PLD5: variants seen among roughly 807,000 people sequenced by gnomAD.
PLD5 encodes the protein phospholipase D family member 5, also known as inactive phospholipase D5.
A neutral mutation model predicts 61.1 loss-of-function variants in PLD5; 36 were observed. The ratio of observed to expected loss-of-function variants is 0.59; its 90% CI spans 0.45 to 0.78. The LOEUF (loss-of-function observed/expected upper bound fraction) is 0.78, where lower values mean the gene tolerates loss of function less well. PLD5 is among the 30% of genes least tolerant of loss of function. The pLI is 0.00. For missense variants in PLD5, 515 were observed against 644.4 expected, an observed-to-expected ratio of 0.80 and a Z score of 2.17; for synonymous variants, 243 against 242.8, an observed-to-expected ratio of 1.00 and a Z score of -0.01.
intron 2 of PLD5, among the ~76,000 whole-genome samples, chr1:242,294,437 A>G (rs1409416732): frequency 6.6e-6 from 1 of 152,220 alleles, no homozygotes; most frequent in African/African-American, 2.4e-5. Context: ...TCCCTTTAAT[A>G]AGCTACTAAA....
intron 2 of PLD5, among the ~76,000 whole-genome samples, chr1:242,315,445 C>A (rs990807739): frequency 6.6e-6 from 1 of 152,054 alleles, no homozygotes; most frequent in East Asian, 1.9e-4. Context: ...TTATGCTAGA[C>A]GTTCGGGAAA....
chr1:242,112,283 C>CTGTGTGTGTGTGTG (rs748175841), intron 7 of PLD5, among the ~76,000 whole-genome samples: 16 of 119,756 alleles, frequency 1.3e-4, no homozygotes, highest in African/African-American at 3.5e-4. Context: ...AAAGGATGCA[C>CTGTGTGTGTGTGTG]TGTGTGTGTG....
At chr1:242,267,099 AGAGT>A (rs1673726529) in intron 3 of PLD5, among the ~76,000 whole-genome samples, 1 of 131,288 alleles carries the variant, frequency 7.6e-6, no homozygotes, top group African/African-American at 2.9e-5. Context: ...CCTGGGCGAC[AGAGT>A]GAGACTCCAT....
In PLD5 at chr1:242,139,483, T is replaced by C. The variant is rs79992710; in HGVS notation, c.736-14818A>G. On this transcript the variant is annotated intron_variant, in intron 5 of 9. Transcript: ENST00000536534. ...GTAGCTCTCGAACTGCTTCCTGTGC[T>C]TAGCTGCAGCTTGTTCAATGGGCAT... 5.1e-3 allele frequency among the ~76,000 whole-genome samples: 772 copies of C among 152,142 alleles called. 18 individuals are homozygous for C. The East Asian group carries it at 0.057, about 11-fold the overall frequency.
chr1:242,516,898 A>G (rs1432668864), intron 1 of PLD5, among the ~76,000 whole-genome samples: 1 of 152,234 alleles, frequency 6.6e-6, no homozygotes, highest in Non-Finnish European at 1.5e-5. Context: ...CTATAGGTCA[A>G]TTTAGGGGAG....
chr1:242,506,980 C>G (rs1668744639), intron 1 of PLD5, among the ~76,000 whole-genome samples: 1 of 152,182 alleles, frequency 6.6e-6, no homozygotes, highest in Non-Finnish European at 1.5e-5. Flanking sequence ...TCCTCAGTAG[C>G]AGCACGTGTC....
At position 242,205,997 on chromosome 1, in the gene PLD5, C is replaced by T. The variant is rs1038192665; in HGVS notation, c.735+13991G>A. On this transcript the variant is annotated intron_variant, in intron 5 of 9. Coordinates refer to ENST00000536534, the MANE Select transcript of PLD5 (RefSeq NM_001372062.1). ...ACCTGAAAGAAATGACTGGGCTTGGCGAGGCAGAGGGAGTGTGACTCTCAT... is the reference window on the plus strand; with the variant it reads ...ACCTGAAAGAAATGACTGGGCTTGGTGAGGCAGAGGGAGTGTGACTCTCAT... 7.2e-5 allele frequency among the ~76,000 whole-genome samples: 11 copies of T among 152,256 alleles called. 1 individual carries two copies. Among genetic ancestry groups the T allele is most frequent in the Admixed American group, 2.0e-4 (3 of 15,282 alleles).
intron 7 of PLD5, among the ~76,000 whole-genome samples, chr1:242,109,329 T>G (rs1011696839): frequency 2.6e-5 from 4 of 152,048 alleles, no homozygotes; most frequent in African/African-American, 9.7e-5. Flanking sequence ...AATACAAAAA[T>G]TAGCTGGACA....
Position 242,429,398 on chromosome 1 carries a change from T to TA in PLD5, c.190-81157dup, listed in dbSNP as rs1231828632. On this transcript the variant is annotated intron_variant, in intron 1 of 9. Transcript: ENST00000536534. ...TAATTAACAATAGAAATAATCTTTT[T>TA]AAAATTTTTTTTAATTTTTAATACT... Among the ~76,000 whole-genome samples the TA allele has an allele frequency of 3.3e-5, 5 of 152,352 alleles. No individual in the cohort carries two copies. In the East Asian group the frequency reaches 9.6e-4, roughly 29 times the overall value.
At chr1:242,399,209 T>G (rs1212864221) in intron 1 of PLD5, among the ~76,000 whole-genome samples, 1 of 152,212 alleles carries the variant, frequency 6.6e-6, no homozygotes, top group African/African-American at 2.4e-5. Context: ...CTACACATAG[T>G]AGGGGCTCAA....
At chr1:242,494,863 A>ATT (rs761097854) in intron 1 of PLD5, among the ~76,000 whole-genome samples, 1 of 109,334 alleles carries the variant, frequency 9.1e-6, no homozygotes, top group Non-Finnish European at 1.9e-5. Flanking sequence ...ACAACCCCCA[A>ATT]TTTTTTTTTC....
At chr1:242,236,538 A>G (rs1671650319) in intron 4 of PLD5, among the ~76,000 whole-genome samples, 1 of 150,150 alleles carries the variant, frequency 6.7e-6, no homozygotes, top group Non-Finnish European at 1.5e-5. Context: ...TTTGAAAAAA[A>G]TAATAAAAAC....
chr1:242,089,678 T>C lies in PLD5; in HGVS notation c.*176A>G. ...GTAACAAATACAAAAGTCTTAATTT[T>C]AGTGTACACGACGCTAAGATATTGT... On this transcript the variant is annotated 3_prime_UTR_variant, in exon 10 of 10. Transcript: ENST00000536534. The C allele has an allele frequency of 1.4e-6, 1 of 739,612 alleles. No homozygotes were observed. Among genetic ancestry groups the C allele is most frequent in the Non-Finnish European group, 2.1e-6 (1 of 470,132 alleles). 45.8% of individuals were successfully genotyped at this position (739,612 alleles called of 1,614,324 possible).
intron 1 of PLD5, chr1:242,377,021 G>A (rs200430655): frequency 2.7e-5 from 44 of 1,611,594 alleles, no homozygotes; most frequent in South Asian, 1.9e-4. Context: ...AAGTTTTTGC[G>A]CACACTTTGC....
chr1:242,355,134 T>C (rs919919866), intron 1 of PLD5, among the ~76,000 whole-genome samples: 3 of 152,198 alleles, frequency 2.0e-5, no homozygotes, highest in African/African-American at 7.2e-5. Context: ...ATGCTGACTT[T>C]GTAAAAAGAC....
intron 1 of PLD5, among the ~76,000 whole-genome samples, chr1:242,502,920 G>A (rs1412386516): frequency 1.3e-5 from 2 of 152,056 alleles, no homozygotes; most frequent in African/African-American, 2.4e-5. Context: ...AATTAGCCTG[G>A]CGTGGTGGCA....
At chr1:242,396,069 T>C (rs1663556198) in intron 1 of PLD5, among the ~76,000 whole-genome samples, 2 of 151,996 alleles carry the variant, frequency 1.3e-5, no homozygotes, top group South Asian at 4.2e-4. Flanking sequence ...GTATCAAATA[T>C]TGGCAGTTTC....
chr1:242,175,463 G>A (rs1667076483), intron 5 of PLD5, among the ~76,000 whole-genome samples: 1 of 152,080 alleles, frequency 6.6e-6, no homozygotes, highest in Non-Finnish European at 1.5e-5. Context: ...AATAATAAGA[G>A]CTATTTATGA....
At chr1:242,235,659 C>G (rs1217041149) in intron 4 of PLD5, 1 of 152,144 alleles carries the variant, frequency 6.6e-6, no homozygotes, top group Non-Finnish European at 1.5e-5. Flanking sequence ...AGAGAAGAAG[C>G]TTCAGGCAAT....
Sources: gnomAD v4.1 joint callset for allele counts (sites outside exome capture counted in the v4.1 genomes callset) on GRCh38, gnomAD v4.1.1 for gene constraint, MANE v1.5 for transcripts, NCBI Gene and HGNC (gene_info 2026-07-23, HGNC 2026-07-21) for gene names.